The following XPR1 variants were observed in gnomAD, a reference collection of about 807,000 sequenced individuals.
XPR1 encodes the protein solute carrier family 53 member 1.
XPR1 carries 28 observed loss-of-function variants against 87.5 expected under a neutral mutation model. The observed-to-expected ratio is 0.32, with a 90% CI of 0.24 to 0.44. The LOEUF is 0.44. Among genes scored for constraint, XPR1 ranks in the 20% least tolerant of loss-of-function variants. The pLI is 1.00. For synonymous variants in XPR1, 300 were observed against 306.1 expected (o/e 0.98, Z 0.21); for missense variants, 559 against 862.3 (o/e 0.65, Z 4.41).
chr1:180,760,690 CA>C (rs1481994053), intron 2 of XPR1, among the ~76,000 whole-genome samples: 1 of 152,124 alleles, frequency 6.6e-6, no homozygotes, highest in East Asian at 1.9e-4. Context: ...CCATACTGCC[CA>C]AGGTAATTTA....
At chr1:180,824,480 C>G (rs141035525) in intron 7 of XPR1, among the ~76,000 whole-genome samples, 3 of 152,054 alleles carry the variant, frequency 2.0e-5, no homozygotes, top group Non-Finnish European at 4.4e-5. Context: ...ACTCGGGAGA[C>G]TGAGGCAGGA....
intron 2 of XPR1, among the ~76,000 whole-genome samples, chr1:180,702,818 T>TTG (rs1657397499): frequency 6.6e-6 from 1 of 152,096 alleles, no homozygotes; most frequent in African/African-American, 2.4e-5. Flanking sequence ...ACTGGAGAAC[T>TTG]TGTGTTTCTT....
chr1:180,734,507 C>G (rs565717188), intron 2 of XPR1, among the ~76,000 whole-genome samples: 1 of 152,236 alleles, frequency 6.6e-6, no homozygotes, highest in African/African-American at 2.4e-5. Flanking sequence ...TGAGAAGTTT[C>G]AATTCCTTGA....
chr1:180,861,354 T>C (rs1558042539), intron 11 of XPR1, among the ~76,000 whole-genome samples: 1 of 152,142 alleles, frequency 6.6e-6, no homozygotes. Context: ...CCAAATTTGC[T>C]TTATTCTTTG....
At chr1:180,808,242 T>C (rs1249581233) in intron 6 of XPR1, among the ~76,000 whole-genome samples, 1 of 150,872 alleles carries the variant, frequency 6.6e-6, no homozygotes, top group Non-Finnish European at 1.5e-5. Flanking sequence ...TGGAGAAGGG[T>C]AGCATTTTCA....
chr1:180,836,871 G>C, intron 11 of XPR1, 155 bp downstream of exon 11: 1 of 803,880 alleles, frequency 1.2e-6, no homozygotes, highest in Non-Finnish European at 1.9e-6. Flanking sequence ...CTTGAATGCA[G>C]TTTTAGTCTC....
intron 2 of XPR1, among the ~76,000 whole-genome samples, chr1:180,721,295 A>C (rs2101997273): frequency 6.6e-6 from 1 of 151,498 alleles, no homozygotes; most frequent in African/African-American, 2.4e-5. Flanking sequence ...GTTGAATATT[A>C]GTGTTTTAAA....
chr1:180,856,932 G>A (rs150696949), intron 11 of XPR1, among the ~76,000 whole-genome samples: 472 of 152,226 alleles, frequency 3.1e-3, no homozygotes, highest in Non-Finnish European at 4.8e-3. Context: ...TTTGAAGTGT[G>A]CCTAATCTAA....
chr1:180,738,778 A>T (rs1363663425), intron 2 of XPR1, among the ~76,000 whole-genome samples: 12 of 152,158 alleles, frequency 7.9e-5, no homozygotes, highest in Non-Finnish European at 1.0e-4. Context: ...TATTCTAGAT[A>T]CAAGTCCTTT....
chr1:180,844,111 T>C (rs892552754), intron 11 of XPR1, among the ~76,000 whole-genome samples: 7 of 152,114 alleles, frequency 4.6e-5, no homozygotes, highest in African/African-American at 1.7e-4. Flanking sequence ...CTCGGGAGGC[T>C]GAGGCAGGAG....
intron 11 of XPR1, among the ~76,000 whole-genome samples, chr1:180,857,321 A>G (rs1208861115): frequency 6.6e-6 from 1 of 152,210 alleles, no homozygotes; most frequent in Non-Finnish European, 1.5e-5. Context: ...ACTGTGTGAA[A>G]TCATCATCTT....
In XPR1 at chr1:180,755,089, G is replaced by T. The variant is rs550331186; in HGVS notation, c.122-32664G>T. ...GAGAAAACTAGAATGAACCCTAATG[G>T]TGTTAGATTGGCTAAGAGATATTAC... On this transcript the variant is annotated intron_variant, in intron 2 of 14. Coordinates refer to ENST00000367590, the MANE Select transcript of XPR1 (RefSeq NM_004736.4). 3.3e-5 allele frequency among the ~76,000 whole-genome samples: 5 copies of T among 152,232 alleles called. No homozygotes were observed. The East Asian group carries it at 7.7e-4, about 24-fold the overall frequency.
In XPR1 at chr1:180,690,512, T is replaced by G. The variant is rs534120603; in HGVS notation, c.121+8101T>G. Among the ~76,000 whole-genome samples the G allele has an allele frequency of 2.6e-4, 39 of 152,216 alleles. 1 individual carries two copies. Among genetic ancestry groups the G allele is most frequent in the Admixed American group, 2.4e-3 (36 of 15,284 alleles). ...ACTACAATTCCTAAATAATCTGGTC[T>G]TAAATCATAAATGTCCATGATCTCA... is the stretch of plus-strand genomic sequence containing the variant. On this transcript the variant is annotated intron_variant, in intron 2 of 14. Transcript: ENST00000367590.
At chr1:180,644,646 G>A (rs928896744) in intron 1 of XPR1, among the ~76,000 whole-genome samples, 1 of 151,960 alleles carries the variant, frequency 6.6e-6, no homozygotes, top group African/African-American at 2.4e-5. Context: ...GAGATAGTAT[G>A]TATGTAAAAC....
intron 13 of XPR1, among the ~76,000 whole-genome samples, chr1:180,879,050 A>C (rs181587357): frequency 1.3e-5 from 2 of 152,302 alleles, no homozygotes; most frequent in East Asian, 3.8e-4. Flanking sequence ...CTCTAACCTA[A>C]CAGGAACAGC....
chr1:180,686,286 G>T (rs1216310488), intron 2 of XPR1, among the ~76,000 whole-genome samples: 9 of 152,146 alleles, frequency 5.9e-5, no homozygotes, highest in African/African-American at 2.2e-4. Flanking sequence ...TTTCCATGTA[G>T]TTGAGCGGTT....
chr1:180,685,198 G>A lies in XPR1; in HGVS notation c.121+2787G>A, dbSNP rs554311641. Among the ~76,000 whole-genome samples the A allele has an allele frequency of 4.8e-4, 73 of 152,254 alleles. 1 individual carries two copies. Among genetic ancestry groups the A allele is most frequent in the Admixed American group, 1.4e-3 (21 of 15,290 alleles). ...TTATTGAGAGTTTTTAGCATGAAGC[G>A]TTGTTGAATTTTGTCAATGGCCTTT... On this transcript the variant is annotated intron_variant, in intron 2 of 14. Coordinates refer to ENST00000367590, the MANE Select transcript of XPR1 (RefSeq NM_004736.4).
At chr1:180,639,901 G>A (rs1654912710) in intron 1 of XPR1, among the ~76,000 whole-genome samples, 1 of 152,190 alleles carries the variant, frequency 6.6e-6, no homozygotes, top group African/African-American at 2.4e-5. Flanking sequence ...AAGGACAATA[G>A]AGAAAAGAAA....
intron 2 of XPR1, among the ~76,000 whole-genome samples, chr1:180,752,216 T>C (rs1212157373): frequency 6.6e-6 from 1 of 152,220 alleles, no homozygotes; most frequent in African/African-American, 2.4e-5. Flanking sequence ...GAATGTTGGC[T>C]ATAAAAACAG....
Sources: gnomAD v4.1 joint callset for allele counts (sites outside exome capture counted in the v4.1 genomes callset) on GRCh38, gnomAD v4.1.1 for gene constraint, MANE v1.5 for transcripts, NCBI Gene and HGNC (gene_info 2026-07-23, HGNC 2026-07-21) for gene names.